UBA6: variants seen among roughly 807,000 people sequenced by gnomAD.
UBA6 encodes ubiquitin-like modifier-activating enzyme 6.
In UBA6, 87 loss-of-function variants were observed where a neutral mutation model predicts 148.3. The observed-to-expected ratio is 0.59, with a 90% CI of 0.49 to 0.70. The LOEUF is 0.70. UBA6 is among the 30% of genes least tolerant of loss of function. UBA6 has a pLI of 0.00. For missense variants in UBA6, 1,186 were observed against 1,241.2 expected (o/e 0.96, Z 0.67); for synonymous variants, 376 against 401.0 (o/e 0.94, Z 0.75).
intron 19 of UBA6, among the ~76,000 whole-genome samples, chr4:67,636,790 T>C (rs1403294425): frequency 6.6e-6 from 1 of 152,144 alleles, no homozygotes; most frequent in Non-Finnish European, 1.5e-5. Context: ...AGTGCCGAGA[T>C]TGCAGCCTCT....
At position 67,640,410 on chromosome 4, in the gene UBA6, T is replaced by C. The variant is rs143180619; in HGVS notation, c.1554+741A>G. The stretch of plus-strand genomic sequence containing the variant: ...TTTCTGTTCATGACATTACTAAGCT[T>C]AGTTTACTAAGACTTGCAATGAGTT... On this transcript the variant is annotated intron_variant, in intron 18 of 32. Coordinates refer to ENST00000322244, the MANE Select transcript of UBA6 (RefSeq NM_018227.6). Among the ~76,000 whole-genome samples, 12 of 152,338 alleles carry C rather than the reference T, an allele frequency of 7.9e-5. No homozygotes were observed. In the East Asian group the frequency reaches 2.3e-3, roughly 29 times the overall value.
chr4:67,689,350 T>C (rs1362102257), intron 2 of UBA6, among the ~76,000 whole-genome samples: 2 of 152,140 alleles, frequency 1.3e-5, no homozygotes, highest in Non-Finnish European at 2.9e-5. Flanking sequence ...TACAAGTATC[T>C]AGGAGGAAAT....
intron 6 of UBA6, among the ~76,000 whole-genome samples, chr4:67,676,180 C>T (rs574711500): frequency 5.3e-5 from 8 of 152,066 alleles, no homozygotes; most frequent in South Asian, 2.1e-4. Flanking sequence ...TGCACCACCA[C>T]GCCCGGCTAA....
intron 26 of UBA6, among the ~76,000 whole-genome samples, chr4:67,629,788 T>A (rs1055279702): frequency 6.6e-6 from 1 of 152,018 alleles, no homozygotes; most frequent in Non-Finnish European, 1.5e-5. Flanking sequence ...TTGTATGAAT[T>A]CCAAAAAGGA....
At chr4:67,641,846 A>C (rs1206367405) in intron 17 of UBA6, among the ~76,000 whole-genome samples, 1 of 152,116 alleles carries the variant, frequency 6.6e-6, no homozygotes, top group Admixed American at 6.5e-5. Context: ...CGTGTCCTTT[A>C]AGAAAAAGTC....
At position 67,617,560 on chromosome 4, in the gene UBA6, A is replaced by G. The variant is rs1728655138; in HGVS notation, c.*1437T>C. 2.0e-5 allele frequency: 3 copies of G among 152,054 alleles called. No individual in the cohort carries two copies. The South Asian group carries it at 6.2e-4, about 31-fold the overall frequency. The allele number at this position is 152,054 out of a possible 1,614,324, so 9.4% of individuals were successfully genotyped here. On this transcript the variant is annotated 3_prime_UTR_variant, in exon 33 of 33. Coordinates refer to ENST00000322244, the MANE Select transcript of UBA6 (RefSeq NM_018227.6). ...CTCCACTTCCACATACATTTTCCCC[A>G]CTTGATGGTACTTTTACAAGAGGGA...
chr4:67,662,288 T>C, intron 12 of UBA6, 33 bp from the exon 13 acceptor site: 2 of 1,583,130 alleles, frequency 1.3e-6, no homozygotes, highest in Non-Finnish European at 1.7e-6. Context: ...CTAACTTTAA[T>C]TTTCTCAACT....
At chr4:67,624,737 A>G (rs1728826422) in intron 29 of UBA6, among the ~76,000 whole-genome samples, 2 of 152,156 alleles carry the variant, frequency 1.3e-5, no homozygotes, top group South Asian at 2.1e-4. Flanking sequence ...CGTAAAGATC[A>G]GTGAAAAGAT....
intron 6 of UBA6, among the ~76,000 whole-genome samples, chr4:67,676,827 A>ATT (rs1032972867): frequency 7.2e-5 from 11 of 151,858 alleles, no homozygotes; most frequent in African/African-American, 2.7e-4. Context: ...AGCAGGATGA[A>ATT]TTTTAAGTTA....
At chr4:67,652,408 G>GT (rs1355100908) in intron 13 of UBA6, among the ~76,000 whole-genome samples, 2 of 152,154 alleles carry the variant, frequency 1.3e-5, no homozygotes, top group Non-Finnish European at 2.9e-5. Context: ...ACATAAAAAT[G>GT]TTTAAAATCA....
At chr4:67,660,575 T>G (rs989834909) in intron 13 of UBA6, among the ~76,000 whole-genome samples, 2 of 152,166 alleles carry the variant, frequency 1.3e-5, no homozygotes, top group African/African-American at 2.4e-5. Context: ...TTAGAGGATG[T>G]ATGAAAACAC....
chr4:67,638,492 T>C (rs551377610), intron 19 of UBA6: 52 of 160,402 alleles, frequency 3.2e-4, no homozygotes, highest in South Asian at 6.6e-4. Context: ...GAGTTTGCAG[T>C]GGGTCCTTTT....
chr4:67,639,877 G>A (rs1394494115), intron 18 of UBA6, among the ~76,000 whole-genome samples: 2 of 152,172 alleles, frequency 1.3e-5, no homozygotes, highest in Non-Finnish European at 2.9e-5. Flanking sequence ...GTACCACACT[G>A]TACTCACCTA....
Position 67,678,547 on chromosome 4 carries a change from A to C in UBA6, c.259-14T>G. 6.5e-7 allele frequency: 1 copy of C among 1,543,920 alleles called. No individual in the cohort carries two copies. The highest frequency in any genetic ancestry group is 2.3e-5 in the East Asian group (1 of 43,866). ...AATTGTAACTGCCTTCAAAAAAGAA[A>C]AAAGTATTGGTTGAAGTCAGGAGTT... On this transcript the variant is annotated splice_polypyrimidine_tract_variant and intron_variant, in intron 4 of 32. Coordinates refer to ENST00000322244, the MANE Select transcript of UBA6 (RefSeq NM_018227.6).
Position 67,616,147 on chromosome 4 carries a change from A to G in UBA6, c.*2850T>C. On this transcript the variant is annotated 3_prime_UTR_variant, in exon 33 of 33. Transcript: ENST00000322244. ...TGGATACTTAACTCTGATCCTCAAGAGCTCAACTCTGATTTTTTTTTTTTC... is the reference window on the plus strand; with the variant it reads ...TGGATACTTAACTCTGATCCTCAAGGGCTCAACTCTGATTTTTTTTTTTTC... 1 of 396,594 alleles carries G rather than the reference A, an allele frequency of 2.5e-6. No individual in the cohort carries two copies. The highest frequency in any genetic ancestry group is 4.4e-6 in the Non-Finnish European group (1 of 225,042). 24.6% of individuals were successfully genotyped at this position (396,594 alleles called of 1,614,324 possible).
intron 28 of UBA6, among the ~76,000 whole-genome samples, chr4:67,625,879 T>C (rs1466694884): frequency 1.3e-5 from 2 of 151,954 alleles, no homozygotes; most frequent in Non-Finnish European, 2.9e-5. Context: ...GAAGTATATA[T>C]AGGTCATTCT....
In UBA6 at chr4:67,660,997, G is replaced by A. The variant is rs181589113; in HGVS notation, c.1104+1192C>T. 1.5e-4 allele frequency among the ~76,000 whole-genome samples: 23 copies of A among 152,244 alleles called. No homozygotes were observed. The East Asian group carries it at 3.7e-3, about 24-fold the overall frequency. On this transcript the variant is annotated intron_variant, in intron 13 of 32. Transcript: ENST00000322244. ...TGGGATTTTATAGTGCATGGGGCCT[G>A]AAGTCCCTTTGTTTTGTCCAATTTC...
chr4:67,674,511 G>A (rs1170885264), intron 6 of UBA6, among the ~76,000 whole-genome samples: 1 of 152,142 alleles, frequency 6.6e-6, no homozygotes, highest in Non-Finnish European at 1.5e-5. Flanking sequence ...CCTCTGCCTT[G>A]AACTAGAGGG....
Position 67,617,460 on chromosome 4 carries a change from T to C in UBA6, c.*1537A>G, listed in dbSNP as rs1453111567. ...ATTTCTTTTTTCCAAAGGTAGTCAT[T>C]TTCTTTAAATTCATCCTATCCACTT... is the stretch of plus-strand genomic sequence containing the variant. On this transcript the variant is annotated 3_prime_UTR_variant, in exon 33 of 33. Transcript: ENST00000322244. 1 of 152,092 alleles carries C rather than the reference T, an allele frequency of 6.6e-6. No individual in the cohort carries two copies. The highest frequency in any genetic ancestry group is 6.5e-5 in the Admixed American group (1 of 15,274). 9.4% of individuals were successfully genotyped at this position (152,092 alleles called of 1,614,324 possible).
Sources: gnomAD v4.1 joint callset for allele counts (sites outside exome capture counted in the v4.1 genomes callset) on GRCh38, gnomAD v4.1.1 for gene constraint, MANE v1.5 for transcripts, NCBI Gene and HGNC (gene_info 2026-07-23, HGNC 2026-07-21) for gene names.